LRRC49: variants seen among roughly 807,000 people sequenced by gnomAD.
The protein encoded by LRRC49 is leucine-rich repeat-containing protein 49.
In LRRC49, 50 loss-of-function variants were observed where a neutral mutation model predicts 83.3. The observed-to-expected ratio is 0.60, with a 90% CI of 0.48 to 0.76. The LOEUF is 0.76. Among genes scored for constraint, LRRC49 ranks in the 30% least tolerant of loss-of-function variants. LRRC49 has a pLI of 0.00. For missense variants in LRRC49, 704 were observed against 809.1 expected (o/e 0.87, Z 1.58); for synonymous variants, 286 against 283.3 (o/e 1.01, Z -0.10).
At chr15:70,969,700 C>T (rs1489544727) in intron 9 of LRRC49, among the ~76,000 whole-genome samples, 1 of 152,030 alleles carries the variant, frequency 6.6e-6, no homozygotes, top group Non-Finnish European at 1.5e-5. Context: ...CCTTCACATC[C>T]CTTGTAAGTT....
chr15:70,905,134 A>G, intron 5 of LRRC49, among the ~76,000 whole-genome samples: 1 of 152,190 alleles, frequency 6.6e-6, no homozygotes, highest in East Asian at 1.9e-4. Flanking sequence ...GACACTCGAT[A>G]CTTTGTGATT....
intron 10 of LRRC49, among the ~76,000 whole-genome samples, chr15:70,981,449 C>T (rs2037394707): frequency 1.3e-5 from 2 of 150,194 alleles, no homozygotes; most frequent in Admixed American, 6.7e-5. Flanking sequence ...ACCTATGTAA[C>T]AAACCTGCAC....
upstream of LRRC49, chr15:70,892,790 C>T (rs1204313151): frequency 1.9e-6 from 3 of 1,611,004 alleles, no homozygotes; most frequent in Non-Finnish European, 2.5e-6. Flanking sequence ...CATGGTAACC[C>T]TGAGCAGGTT....
At chr15:70,859,265 A>C (rs1595963435) in intron 1 of LRRC49, 1 of 872,420 alleles carries the variant, frequency 1.1e-6, no homozygotes, top group East Asian at 2.4e-5. Flanking sequence ...TGAGATCAAT[A>C]AGCGTACAGA....
chr15:71,041,973 A>G (rs546411049), intron 15 of LRRC49, among the ~76,000 whole-genome samples: 37 of 152,320 alleles, frequency 2.4e-4, no homozygotes, highest in South Asian at 8.3e-4. Context: ...TCTTTGCACC[A>G]TGCAACAAAA....
At chr15:71,033,384 T>C (rs763137738) in intron 14 of LRRC49, among the ~76,000 whole-genome samples, 3 of 151,980 alleles carry the variant, frequency 2.0e-5, no homozygotes, top group Non-Finnish European at 4.4e-5. Context: ...AAGGAAATCA[T>C]AGAGGACACA....
chr15:70,866,786 T>C (rs193273583), intron 1 of LRRC49, among the ~76,000 whole-genome samples: 156 of 152,180 alleles, frequency 1.0e-3, no homozygotes, highest in African/African-American at 3.5e-3. Flanking sequence ...TTTAACTAAA[T>C]TGGACAGAAA....
chr15:70,950,969 C>T lies in LRRC49; in HGVS notation c.774-12816C>T, dbSNP rs1030406137. On this transcript the variant is annotated intron_variant, in intron 8 of 15. Transcript: ENST00000260382. ...GAGGAAGGGGTCTGGTTTCAATCTT[C>T]TGCATGTGGCTAGCAAGTTATCTCA... Among the ~76,000 whole-genome samples the T allele has an allele frequency of 9.2e-5, 14 of 152,144 alleles. No homozygotes were observed. The South Asian group carries it at 1.0e-3, about 11-fold the overall frequency.
chr15:70,918,933 A>G (rs148760195), intron 6 of LRRC49, 117 bp from the exon 7 acceptor site: 1 of 709,292 alleles, frequency 1.4e-6, no homozygotes, highest in East Asian at 2.6e-5. Flanking sequence ...TTAAATGTCT[A>G]CATATAAACT....
chr15:70,891,896 C>G, upstream of LRRC49: 1 of 1,612,826 alleles, frequency 6.2e-7, no homozygotes, highest in Non-Finnish European at 8.5e-7. Context: ...GGAGACTGGA[C>G]CTGGGGCAGC....
chr15:70,901,818 AT>A (rs1595998055), intron 4 of LRRC49, among the ~76,000 whole-genome samples: 1 of 152,058 alleles, frequency 6.6e-6, no homozygotes. Context: ...TCTTGATAAA[AT>A]TTTTTTTAAT....
chr15:70,895,093 AATT>A (rs1407590522), intron 2 of LRRC49, among the ~76,000 whole-genome samples: 2 of 152,162 alleles, frequency 1.3e-5, no homozygotes, highest in African/African-American at 4.8e-5. Context: ...TAGGTCATAT[AATT>A]CCTAAGGATA....
At chr15:70,905,108 T>C (rs1596002085) in intron 5 of LRRC49, among the ~76,000 whole-genome samples, 1 of 152,348 alleles carries the variant, frequency 6.6e-6, no homozygotes, top group East Asian at 1.9e-4. Flanking sequence ...CTCTTCCCAG[T>C]GTTTGACTGA....
At chr15:70,880,702 A>G (rs1431555991) in intron 2 of LRRC49, among the ~76,000 whole-genome samples, 1 of 152,210 alleles carries the variant, frequency 6.6e-6, no homozygotes, top group Non-Finnish European at 1.5e-5. Flanking sequence ...CAATTGGTGG[A>G]AGAAGAAAAC....
chr15:70,980,439 A>G (rs1352969684), intron 10 of LRRC49, among the ~76,000 whole-genome samples: 3 of 152,194 alleles, frequency 2.0e-5, no homozygotes, highest in African/African-American at 7.2e-5. Flanking sequence ...ATAAATAAAT[A>G]TAATTGAAGT....
chr15:71,041,969 C>T (rs577327876), intron 15 of LRRC49, among the ~76,000 whole-genome samples: 25 of 152,200 alleles, frequency 1.6e-4, no homozygotes, highest in African/African-American at 4.8e-4. Flanking sequence ...CCCTTCTTTG[C>T]ACCATGCAAC....
At chr15:70,887,606 CAA>C (rs150550614), upstream of LRRC49, among the ~76,000 whole-genome samples, 3,375 of 152,008 alleles carry the variant, frequency 0.022, 135 homozygotes, top group African/African-American at 0.076. Flanking sequence ...CTTTTTATTA[CAA>C]AGAGAGCTAT....
At chr15:70,942,759 A>G (rs556894335) in intron 8 of LRRC49, among the ~76,000 whole-genome samples, 202 of 152,324 alleles carry the variant, frequency 1.3e-3, no homozygotes, top group Non-Finnish European at 2.1e-3. Context: ...TCAATCAAAT[A>G]CATTTAAGAA....
intron 2 of LRRC49, among the ~76,000 whole-genome samples, chr15:70,876,785 A>G (rs560457723): frequency 6.6e-6 from 1 of 152,294 alleles, no homozygotes; most frequent in African/African-American, 2.4e-5. Context: ...GGACTATTGC[A>G]AAGGCATGCC....
Sources: gnomAD v4.1 joint callset for allele counts (sites outside exome capture counted in the v4.1 genomes callset) on GRCh38, gnomAD v4.1.1 for gene constraint, MANE v1.5 for transcripts, NCBI Gene and HGNC (gene_info 2026-07-23, HGNC 2026-07-21) for gene names.